Variants in KLHL17 observed in about 807,000 individuals in gnomAD.
KLHL17 encodes the protein kelch-like protein 17.
Under a neutral mutation model 64.6 loss-of-function variants are expected in KLHL17, and 71 were observed. The ratio of observed to expected loss-of-function variants is 1.10; its 90% confidence interval spans 0.91 to 1.34. KLHL17 has a LOEUF of 1.34. Among genes scored for constraint, KLHL17 ranks in the 40% most tolerant of loss-of-function variants. The probability of loss-of-function intolerance (pLI) is 0.00; values close to 1 mark genes in which losing one functional copy is unlikely to be tolerated. For synonymous variants in KLHL17, 612 were observed against 405.4 expected (o/e 1.51, Z -6.12); for missense variants, 1,140 against 935.0 (o/e 1.22, Z -2.86).
In KLHL17 at chr1:965,002, C is replaced by T. The variant is rs541320845; in HGVS notation, c.1740C>T (p.Tyr580=). 1,332 of 1,612,226 alleles carry T rather than the reference C, an allele frequency of 8.3e-4. 26 individuals carry two copies. The South Asian group carries it at 0.014, about 17-fold the overall frequency. Residue 580 remains tyrosine, a synonymous_variant, in exon 12 of 12, where the codon TAC becomes TAT. Coordinates refer to ENST00000338591, the MANE Select transcript of KLHL17 (RefSeq NM_198317.3). ...TGGTGGCCATGGACGGATGGTTGTA[C>T]GCCGTGGGGGGTAACGACGGTAGCT... The part of the protein sequence containing the change: ...HDLVAMDGWL[Y]AVGGNDGSSS...
chr1:962,398 A>G lies in KLHL17; in HGVS notation c.755A>G (p.Glu252Gly). 6.2e-7 allele frequency: 1 copy of G among 1,612,734 alleles called. No homozygotes were observed. Among genetic ancestry groups the G allele is most frequent in the Non-Finnish European group, 8.5e-7 (1 of 1,179,912 alleles). The change falls in exon 5 of 12, where the codon GAG (glutamate) becomes GGG (glycine). Residue 252 changes from glutamate (E) to glycine (G), a missense_variant. Glu to Gly is a moderately conservative substitution (Grantham distance 98). Coordinates refer to ENST00000338591, the MANE Select transcript of KLHL17 (RefSeq NM_198317.3). ...AGCGACAGCCTGAACGTGCCTTCAG[A>G]GGAGGAGGTCTACCGAGCCGTCCTG... Reference protein sequence around the residue: ...VSSDSLNVPSEEEVYRAVLSW... With the variant: ...VSSDSLNVPSGEEVYRAVLSW...
rs1487759473 is a variant in KLHL17 at position 961,715 on chromosome 1, A to C, written c.454A>C (p.Thr152Pro). Reference protein sequence around the residue: ...ALDQLVQFAYTAEIVVGEGNV... With the variant: ...ALDQLVQFAYPAEIVVGEGNV... ...GGACCAGCTGGTGCAGTTTGCCTAC[A>C]CGGCTGAGATTGTGGTGGGCGAGGG... Residue 152 changes from threonine to proline, a missense_variant, in exon 3 of 12, where the codon ACG becomes CCG. Thr to Pro is a conservative substitution (Grantham distance 38, BLOSUM62 -1). Coordinates refer to ENST00000338591, the MANE Select transcript of KLHL17 (RefSeq NM_198317.3). 1 of 1,612,158 alleles carries C rather than the reference A, an allele frequency of 6.2e-7. No homozygotes were observed. The highest frequency in any genetic ancestry group is 1.1e-5 in the South Asian group (1 of 90,988).
rs749141235 is a variant in KLHL17, at chr1:962,353, A to G, written c.712-2A>G. On this transcript the variant is annotated splice_acceptor_variant, in intron 4 of 11. Transcript: ENST00000338591. LOFTEE classifies it high-confidence loss of function. ...CTCAGGTCTGAGGACCCCCACTCCC[A>G]GGTTCTGGAACTGGTCTCTAGCGAC... 1.9e-6 allele frequency: 3 copies of G among 1,612,516 alleles called. No individual in the cohort carries two copies. The highest frequency in any genetic ancestry group is 2.5e-6 in the Non-Finnish European group (3 of 1,179,830).
rs917754963 is a variant in KLHL17 at position 961,476 on chromosome 1, C to G, written c.291C>G (p.His97Gln). 6.8e-6 allele frequency: 11 copies of G among 1,612,378 alleles called. No homozygotes were observed. The Admixed American group carries it at 1.0e-4, about 15-fold the overall frequency. Residue 97 changes from histidine (H) to glutamine (Q), a missense_variant, in exon 2 of 12, where the codon CAC becomes CAG. Transcript: ENST00000338591. ...QRGLLCDIVL[H>Q]VAAKEIRAHK... is the part of the protein sequence containing the mutation. ...GCCTCCTGTGCGACATCGTCCTGCA[C>G]GTGGCTGCCAAGGAGATCCGTGCGC...
At position 961,900 on chromosome 1, in the gene KLHL17, G is replaced by A. The variant is rs771298220; in HGVS notation, c.564G>A (p.Gln188=). The part of the protein sequence containing the change: ...RDACCKFLLS[Q]LDPSNCLGIR... ...CTTGCTGCAAGTTTCTACTGAGTCA[G>A]CTCGACCCCTCCAACTGCCTGGGTA... is the stretch of plus-strand genomic sequence containing the variant. Residue 188 remains glutamine, a synonymous_variant, in exon 4 of 12, where the codon CAG becomes CAA. Transcript: ENST00000338591. The A allele has an allele frequency of 3.1e-6, 5 of 1,612,712 alleles. No homozygotes were observed. Among genetic ancestry groups the A allele is most frequent in the African/African-American group, 1.3e-5 (1 of 74,932 alleles).
At position 962,119 on chromosome 1, in the gene KLHL17, C is replaced by T. The variant is rs555753367; in HGVS notation, c.711+72C>T. 86 of 1,396,598 alleles carry T rather than the reference C, an allele frequency of 6.2e-5. No individual in the cohort carries two copies. The African/African-American group carries it at 9.0e-4, about 15-fold the overall frequency. The allele number at this position is 1,396,598 out of a possible 1,614,324, so 86.5% of individuals were successfully genotyped here. ...CAGTCTTTGTCTTTGACTCCCGACCCCGTTTTGTTCCTGACACAGCCCTGC... is the reference window on the plus strand; with the variant it reads ...CAGTCTTTGTCTTTGACTCCCGACCTCGTTTTGTTCCTGACACAGCCCTGC... On this transcript the variant is annotated intron_variant, in intron 4 of 11. Transcript: ENST00000338591.
At position 962,737 on chromosome 1, in the gene KLHL17, C is replaced by T. The variant is rs138285406; in HGVS notation, c.862C>T (p.Arg288Cys). ...GTGTGTGCGGCTGCCCTTGCTGAGC[C>T]GCGACTTCCTGCTGGGCCACGTGGA... Reference protein sequence around the residue: ...MKCVRLPLLSRDFLLGHVDAE... With the variant: ...MKCVRLPLLSCDFLLGHVDAE... Residue 288 changes from arginine to cysteine, a missense_variant, in exon 6 of 12, where the codon CGC becomes TGC. By Grantham distance (180) the Arg-to-Cys change is radical. Transcript: ENST00000338591. 28 of 1,609,180 alleles carry T rather than the reference C, an allele frequency of 1.7e-5. No homozygotes were observed. The highest frequency in any genetic ancestry group is 4.5e-5 in the East Asian group (2 of 44,880).
In KLHL17 at chr1:964,883, G is replaced by A. The variant is rs1029515626; in HGVS notation, c.1701-80G>A. On this transcript the variant is annotated intron_variant, in intron 11 of 11. Coordinates refer to ENST00000338591, the MANE Select transcript of KLHL17 (RefSeq NM_198317.3). ...CTCCCAACCTCAGCGAGCATGTCCC[G>A]CCACCACCCCTTTTTGTGGTGCAGC... 16 of 1,120,186 alleles carry A rather than the reference G, an allele frequency of 1.4e-5. 3 individuals carry two copies. The highest frequency in any genetic ancestry group is 3.0e-5 in the African/African-American group (2 of 66,632). 69.4% of individuals were successfully genotyped at this position (1,120,186 alleles called of 1,614,324 possible).
In KLHL17 at chr1:961,484, C is replaced by G; in HGVS notation, c.299C>G (p.Ala100Gly). 6.2e-7 allele frequency: 1 copy of G among 1,612,482 alleles called. No individual in the cohort carries two copies. Among genetic ancestry groups the G allele is most frequent in the Non-Finnish European group, 8.5e-7 (1 of 1,179,922 alleles). Residue 100 changes from alanine (A) to glycine (G), a missense_variant, in exon 2 of 12, where the codon GCC (alanine) becomes GGC (glycine). Ala to Gly is a moderately conservative substitution (Grantham distance 60). Transcript: ENST00000338591. ...TGCGACATCGTCCTGCACGTGGCTGCCAAGGAGATCCGTGCGCACAAAGTG... is the reference window on the plus strand; with the variant it reads ...TGCGACATCGTCCTGCACGTGGCTGGCAAGGAGATCCGTGCGCACAAAGTG... ...LLCDIVLHVA[A>G]KEIRAHKVVL... is the part of the protein sequence containing the mutation.
chr1:965,012 G>A lies in KLHL17; in HGVS notation c.1750G>A (p.Gly584Ser). Residue 584 changes from glycine to serine, a missense_variant, in exon 12 of 12, where the codon GGT (glycine) becomes AGT (serine). Gly to Ser is a moderately conservative substitution (Grantham distance 56, BLOSUM62 0). Transcript: ENST00000338591. Reference sequence around the variant, plus strand: ...GGACGGATGGTTGTACGCCGTGGGGGGTAACGACGGTAGCTCCAGCCTCAA... The same window carrying A: ...GGACGGATGGTTGTACGCCGTGGGGAGTAACGACGGTAGCTCCAGCCTCAA... ...AMDGWLYAVG[G>S]NDGSSSLNSI... 6.2e-7 allele frequency: 1 copy of A among 1,612,488 alleles called. No homozygotes were observed. The highest frequency in any genetic ancestry group is 8.5e-7 in the Non-Finnish European group (1 of 1,179,750).
Position 963,221 on chromosome 1 carries a change from T to A in KLHL17, c.1155T>A (p.Ala385=), listed in dbSNP as rs892851103. ...MSTRRARVGV[A]AVGNRLYAVG... Reference sequence around the variant, plus strand: ...CGCGCCGGGCCCGGGTGGGAGTGGCTGCGGTGGGGAACCGGCTCTATGCTG... The same window carrying A: ...CGCGCCGGGCCCGGGTGGGAGTGGCAGCGGTGGGGAACCGGCTCTATGCTG... Residue 385 remains alanine (A), a synonymous_variant, in exon 7 of 12, where the codon GCT becomes GCA. Transcript: ENST00000338591. 1.2e-6 allele frequency: 2 copies of A among 1,607,288 alleles called. No individual in the cohort carries two copies. Among genetic ancestry groups the A allele is most frequent in the Non-Finnish European group, 1.7e-6 (2 of 1,176,110 alleles).
At chr1:962,228 C>A in intron 4 of KLHL17, 127 bp from the exon 5 acceptor site, 4 of 1,486,938 alleles carry the variant, frequency 2.7e-6, no homozygotes. Context: ...GCTCCTGACT[C>A]TGCTCGGCCC....
rs199888109 is a variant in KLHL17, at chr1:963,332, G to A, written c.1188-5G>A. The A allele has an allele frequency of 1.2e-4, 196 of 1,606,714 alleles. No homozygotes were observed. Among genetic ancestry groups the A allele is most frequent in the South Asian group, 2.6e-4 (24 of 90,780 alleles). On this transcript the variant is annotated splice_polypyrimidine_tract_variant and splice_region_variant and intron_variant, in intron 7 of 11. Coordinates refer to ENST00000338591, the MANE Select transcript of KLHL17 (RefSeq NM_198317.3). ...TCTTGACCTGCAGTGGCTTAATTCCGCTAGCTATGATGGGACCTCAGACCT... is the reference window on the plus strand; with the variant it reads ...TCTTGACCTGCAGTGGCTTAATTCCACTAGCTATGATGGGACCTCAGACCT...
At position 964,151 on chromosome 1, in the gene KLHL17, C is replaced by G. The variant is rs373377524; in HGVS notation, c.1489C>G (p.Leu497Val). 3 of 1,612,728 alleles carry G rather than the reference C, an allele frequency of 1.9e-6. No individual in the cohort carries two copies. The South Asian group carries it at 3.3e-5, about 18-fold the overall frequency. Residue 497 changes from leucine to valine, a missense_variant, in exon 10 of 12, where the codon CTG becomes GTG. Coordinates refer to ENST00000338591, the MANE Select transcript of KLHL17 (RefSeq NM_198317.3). ...AVGGYDSSSH[L>V]ATVEKYEPQV... is the part of the protein sequence containing the mutation. ...GGGCGGCTACGACAGCTCCTCACAC[C>G]TGGCCACTGTGGAGAAGTATGAGCC... is the stretch of plus-strand genomic sequence containing the variant.
chr1:963,912 G>T lies in KLHL17; in HGVS notation c.1356-8G>T. The T allele has an allele frequency of 6.2e-7, 1 of 1,612,010 alleles. No homozygotes were observed. Among genetic ancestry groups the T allele is most frequent in the African/African-American group, 1.3e-5 (1 of 75,040 alleles). On this transcript the variant is annotated splice_region_variant and splice_polypyrimidine_tract_variant and intron_variant, in intron 8 of 11. Transcript: ENST00000338591. Reference sequence around the variant, plus strand: ...GCTGAGCTGTGGCTGCGGTCCTGGTGCCCACAGTGCTGAACGCTACGACCC... The same window carrying T: ...GCTGAGCTGTGGCTGCGGTCCTGGTTCCCACAGTGCTGAACGCTACGACCC...
At position 963,462 on chromosome 1, in the gene KLHL17, T is replaced by C; in HGVS notation, c.1313T>C (p.Leu438Pro). The C allele has an allele frequency of 1.2e-6, 2 of 1,611,594 alleles. No homozygotes were observed. The highest frequency in any genetic ancestry group is 1.7e-6 in the Non-Finnish European group (2 of 1,179,026). ...GGTGTGGCCGCCTTGCATGGACTCC[T>C]GTACTCGGCCGGCGGCTATGACGGG... ...CLGVAALHGL[L>P]YSAGGYDGAS... The change falls in exon 8 of 12, where the codon CTG becomes CCG. Residue 438 changes from leucine (L) to proline (P), a missense_variant. Physicochemically the swap from Leu to Pro is moderately conservative, Grantham distance 98. Transcript: ENST00000338591.
rs755193059 is a variant in KLHL17 at position 962,478 on chromosome 1, CG to C, written c.828+8del. The C allele has an allele frequency of 1.4e-5, 22 of 1,611,822 alleles. No individual in the cohort carries two copies. Among genetic ancestry groups the C allele is most frequent in the Non-Finnish European group, 1.8e-5 (21 of 1,179,508 alleles). On this transcript the variant is annotated splice_region_variant and intron_variant, in intron 5 of 11. Coordinates refer to ENST00000338591, the MANE Select transcript of KLHL17 (RefSeq NM_198317.3). ...CAGGCAGCATGTCCCACGGGTGAGG[CG>C]CGGCCGCGGGGGGCTCCCACAGCAT... is the stretch of plus-strand genomic sequence containing the variant.
At position 963,530 on chromosome 1, in the gene KLHL17, C is replaced by T. The variant is rs779831344; in HGVS notation, c.1355+26C>T. On this transcript the variant is annotated intron_variant, in intron 8 of 11. Coordinates refer to ENST00000338591, the MANE Select transcript of KLHL17 (RefSeq NM_198317.3). The stretch of plus-strand genomic sequence containing the variant: ...GTAGTTGGGGTTGGGGCCCCAGTGG[C>T]TTTGTACAGTCCATCTGCAAGAGGC... The T allele has an allele frequency of 5.7e-6, 9 of 1,587,278 alleles. No individual in the cohort carries two copies. In the Middle Eastern group the frequency reaches 6.7e-4, roughly 119 times the overall value.
chr1:964,285 G>A (rs554451325), intron 10 of KLHL17, 64 bp from the exon 11 acceptor site: 18 of 1,585,526 alleles, frequency 1.1e-5, no homozygotes, highest in East Asian at 6.9e-5. Flanking sequence ...CCCTGGAGTC[G>A]GGGCTGCGGC....
Sources: allele counts gnomAD v4.1 joint callset, GRCh38; gene constraint gnomAD v4.1.1; transcripts MANE v1.5; gene names NCBI Gene and HGNC (gene_info 2026-07-23, HGNC 2026-07-21).